TRIM9: variants seen among roughly 807,000 people sequenced by gnomAD.
TRIM9 encodes the protein tripartite motif containing 9.
In TRIM9, 26 loss-of-function variants were observed where a neutral mutation model predicts 78.3. The observed-to-expected ratio is 0.33, with a 90% CI of 0.24 to 0.46. The LOEUF (loss-of-function observed/expected upper bound fraction) is 0.46, where lower values mean the gene tolerates loss of function less well. Among genes scored for constraint, TRIM9 ranks in the 20% least tolerant of loss-of-function variants. TRIM9 has a pLI of 1.00. For synonymous variants in TRIM9, 398 were observed against 416.5 expected, an observed-to-expected ratio of 0.96 and a Z score of 0.54; for missense variants, 787 against 1,036.4, an observed-to-expected ratio of 0.76 and a Z score of 3.30.
In TRIM9 at chr14:50,979,434, C is replaced by T. The variant is rs369174438; in HGVS notation, c.2278G>A (p.Val760Met). 1.8e-5 allele frequency: 29 copies of T among 1,614,076 alleles called. No homozygotes were observed. Among genetic ancestry groups the T allele is most frequent in the African/African-American group, 9.3e-5 (7 of 74,934 alleles). ...EQQGPIAFDN[V>M]EGLFFPAVSL... ...ACCGCAGGGAAGAAGAGGCCCTCCACGTTATCAAATGCTATGGGACCTTGT... is the reference window on the plus strand; with the variant it reads ...ACCGCAGGGAAGAAGAGGCCCTCCATGTTATCAAATGCTATGGGACCTTGT... Residue 760 changes from valine to methionine, a missense_variant, in exon 12 of 13, where the codon GTG becomes ATG. By Grantham distance (21) the Val-to-Met change is conservative. This residue lies in a region of TRIM9 where 421 missense variants were observed against 514.3 expected (regional missense o/e 0.82). Transcript: ENST00000684578.
rs562257554 is a variant in TRIM9 at position 51,029,432 on chromosome 14, C to T, written c.823-4072G>A. 1.2e-4 allele frequency among the ~76,000 whole-genome samples: 19 copies of T among 152,244 alleles called. No homozygotes were observed. The South Asian group carries it at 3.3e-3, about 27-fold the overall frequency. On this transcript the variant is annotated intron_variant, in intron 1 of 12. Transcript: ENST00000684578. ...GGGCCCAGGAGCCAAAGCCCACTCC[C>T]GCTCCTTCCCAGGTACAAAGATAAA...
intron 3 of TRIM9, 44 bp from the exon 4 acceptor site, chr14:51,010,538 G>A (rs928801598): frequency 6.8e-7 from 1 of 1,466,170 alleles, no homozygotes; most frequent in Non-Finnish European, 9.4e-7. Context: ...AGATGGCAGA[G>A]GGTAGAAGAG....
At chr14:51,042,964 C>T (rs2059682423) in intron 1 of TRIM9, among the ~76,000 whole-genome samples, 1 of 152,118 alleles carries the variant, frequency 6.6e-6, no homozygotes, top group Non-Finnish European at 1.5e-5. Flanking sequence ...CTCTATATAT[C>T]TATTCCTGGC....
At position 51,018,504 on chromosome 14, in the gene TRIM9, A is replaced by G. The variant is rs548522111; in HGVS notation, c.1041+4331T>C. On this transcript the variant is annotated intron_variant, in intron 3 of 12. Transcript: ENST00000684578. ...TAAATTTGTGTTCTTAATACGTGAT[A>G]TAATTAATTTTTGGCAAACATAATG... Among the ~76,000 whole-genome samples the G allele has an allele frequency of 8.3e-4, 127 of 152,366 alleles. 1 individual carries two copies. The highest frequency in any genetic ancestry group is 2.7e-3 in the African/African-American group (113 of 41,586).
chr14:51,094,797 TG>T lies in TRIM9; in HGVS notation c.142del (p.Gln48ArgfsTer21). ...CCCGGAGCCCGCGGCCCGATGGCTC[TG>T]GGGGGATTCAGACTCTGGGGTCTGC... ...LVQTPESESP[Q>X]SHRAAGSGVS... On this transcript the variant is annotated frameshift_variant, in exon 1 of 13. Coordinates refer to ENST00000684578, the MANE Select transcript of TRIM9 (RefSeq NM_001387360.1). LOFTEE classifies it high-confidence loss of function. The T allele has an allele frequency of 6.5e-7, 1 of 1,536,880 alleles. No individual in the cohort carries two copies. Among genetic ancestry groups the T allele is most frequent in the Non-Finnish European group, 8.7e-7 (1 of 1,146,334 alleles).
chr14:51,025,548 T>C (rs1019613977), intron 1 of TRIM9, among the ~76,000 whole-genome samples, 188 bp from the exon 2 acceptor site: 1 of 152,198 alleles, frequency 6.6e-6, no homozygotes, highest in African/African-American at 2.4e-5. Flanking sequence ...TAGTTTCTCC[T>C]TGGAAGCAGT....
At chr14:51,073,048 T>C (rs7155615) in intron 1 of TRIM9, among the ~76,000 whole-genome samples, 120,218 of 152,098 alleles carry the variant, frequency 0.79, 47,764 homozygotes, top group African/African-American at 0.86. Flanking sequence ...AGACACCACA[T>C]CAAAGATGAT....
chr14:51,084,067 A>AT (rs2063544925), intron 1 of TRIM9, among the ~76,000 whole-genome samples: 1 of 152,214 alleles, frequency 6.6e-6, no homozygotes, highest in Admixed American at 6.5e-5. Flanking sequence ...AGTATTTAAA[A>AT]ATATATGGGA....
chr14:51,076,068 CA>C (rs1355160049), intron 1 of TRIM9, among the ~76,000 whole-genome samples: 1 of 152,164 alleles, frequency 6.6e-6, no homozygotes, highest in Non-Finnish European at 1.5e-5. Context: ...TAAATACCTG[CA>C]AATGCTGGGC....
At chr14:50,986,243 G>GGCGA in intron 7 of TRIM9, 99 bp from the exon 8 acceptor site, 2 of 1,050,200 alleles carry the variant, frequency 1.9e-6, no homozygotes, top group Admixed American at 3.8e-5. Context: ...TTCATACAAA[G>GGCGA]CCTCATCTTT....
At chr14:51,010,808 T>C (rs957922471) in intron 3 of TRIM9, among the ~76,000 whole-genome samples, 4 of 152,186 alleles carry the variant, frequency 2.6e-5, no homozygotes, top group African/African-American at 9.7e-5. Flanking sequence ...CACTTTTCTG[T>C]GAAGCTGACT....
chr14:51,049,210 C>T (rs995952368), intron 1 of TRIM9, among the ~76,000 whole-genome samples: 13 of 152,196 alleles, frequency 8.5e-5, no homozygotes, highest in South Asian at 2.1e-4. Context: ...TACAGGCATG[C>T]GCCATCACAC....
At chr14:51,046,608 T>A (rs1596259137) in intron 1 of TRIM9, among the ~76,000 whole-genome samples, 2 of 152,232 alleles carry the variant, frequency 1.3e-5, no homozygotes, top group East Asian at 3.8e-4. Flanking sequence ...TGGAGAATTT[T>A]AAAAATTTCA....
chr14:51,014,279 A>T (rs2056905449), intron 3 of TRIM9, among the ~76,000 whole-genome samples: 3 of 151,966 alleles, frequency 2.0e-5, no homozygotes, highest in Admixed American at 2.0e-4. Context: ...CTCTCTGCTG[A>T]CTCTTAAGAA....
Position 50,978,844 on chromosome 14 carries a change from G to A in TRIM9, c.2325+543C>T, listed in dbSNP as rs1176494056. ...TAAAGGCATTCTATAGATATTTGCT[G>A]AATGAATAAATGAGAAGCTGTTGTT... On this transcript the variant is annotated intron_variant, in intron 12 of 12. Coordinates refer to ENST00000684578, the MANE Select transcript of TRIM9 (RefSeq NM_001387360.1). 6.4e-6 allele frequency: 6 copies of A among 938,250 alleles called. No individual in the cohort carries two copies. In the Admixed American group the frequency reaches 1.8e-4, roughly 29 times the overall value. The allele number at this position is 938,250 out of a possible 1,614,324, so 58.1% of individuals were successfully genotyped here.
At chr14:51,046,531 G>A (rs11626230) in intron 1 of TRIM9, among the ~76,000 whole-genome samples, 29,833 of 152,062 alleles carry the variant, frequency 0.2, 3,305 homozygotes, top group Non-Finnish European at 0.25. Context: ...ATCTGAATTC[G>A]AAAAGAAAGA....
intron 7 of TRIM9, among the ~76,000 whole-genome samples, chr14:50,990,644 A>G (rs2053384104): frequency 6.6e-6 from 1 of 152,210 alleles, no homozygotes; most frequent in Admixed American, 6.5e-5. Context: ...GATAGTGTAT[A>G]CTAATCCAGT....
intron 3 of TRIM9, among the ~76,000 whole-genome samples, chr14:51,016,612 A>C (rs897734854): frequency 1.1e-4 from 16 of 151,894 alleles, no homozygotes; most frequent in African/African-American, 2.4e-4. Context: ...ATAACATAAC[A>C]TTAATGATAC....
chr14:51,014,031 G>A (rs2056877046), intron 3 of TRIM9, among the ~76,000 whole-genome samples: 1 of 152,164 alleles, frequency 6.6e-6, no homozygotes, highest in African/African-American at 2.4e-5. Flanking sequence ...ACAGGTACTG[G>A]AAGTCCGAAT....
Sources: allele counts gnomAD v4.1 joint callset (sites outside exome capture counted in the v4.1 genomes callset), GRCh38; gene constraint gnomAD v4.1.1; regional missense constraint gnomAD v4.1.1; transcripts MANE v1.5; gene names NCBI Gene and HGNC (gene_info 2026-07-23, HGNC 2026-07-21).